Variants in BTG4 observed in about 807,000 individuals in gnomAD.
BTG4 encodes the protein protein BTG4.
A neutral mutation model predicts 19.3 loss-of-function variants in BTG4; 10 were observed. The observed-to-expected ratio is 0.52, with a 90% CI of 0.32 to 0.88. The LOEUF (loss-of-function observed/expected upper bound fraction) is 0.88. Among genes scored for constraint, BTG4 ranks in the 40% least tolerant of loss-of-function variants. BTG4 has a pLI of 0.04. For missense variants in BTG4, 238 were observed against 281.9 expected (o/e 0.84, Z 1.11); for synonymous variants, 91 against 95.7 (o/e 0.95, Z 0.29).
the BTG4 span, among the ~76,000 whole-genome samples, chr11:111,441,541 T>A: frequency 6.6e-6 from 1 of 152,220 alleles, no homozygotes; most frequent in African/African-American, 2.4e-5. Flanking sequence ...AGAGATGCCT[T>A]ACGGATTGAC....
the BTG4 span, among the ~76,000 whole-genome samples, chr11:111,426,260 G>T: frequency 6.6e-6 from 1 of 151,828 alleles, no homozygotes; most frequent in Non-Finnish European, 1.5e-5. Flanking sequence ...AGTGACAGAG[G>T]AAGGGAAGGG....
At chr11:111,512,484 A>T (rs1328818821), upstream of BTG4, 1 of 149,644 alleles carries the variant, frequency 6.7e-6, no homozygotes, top group Non-Finnish European at 1.5e-5. Context: ...CGCCACAGTC[A>T]CTCGGCCGCT....
At chr11:111,393,385 G>GGCA in the BTG4 span, among the ~76,000 whole-genome samples, 2 of 152,144 alleles carry the variant, frequency 1.3e-5, no homozygotes, top group Non-Finnish European at 2.9e-5. Context: ...CACACCCTCA[G>GGCA]GCAGCAGCAG....
At chr11:111,413,857 C>T in the BTG4 span, among the ~76,000 whole-genome samples, 6 of 152,232 alleles carry the variant, frequency 3.9e-5, no homozygotes, top group Admixed American at 2.6e-4. Flanking sequence ...CAGAGCCTTC[C>T]GGGAACATGG....
chr11:111,478,631 G>A (rs1864541364), intron 5 of BTG4, among the ~76,000 whole-genome samples: 1 of 152,084 alleles, frequency 6.6e-6, no homozygotes, highest in African/African-American at 2.4e-5. Context: ...AATGAGATAA[G>A]TCTCAGCAAC....
chr11:111,494,881 C>T lies in BTG4; in HGVS notation c.*254G>A, dbSNP rs1225789270. On this transcript the variant is annotated 3_prime_UTR_variant, in exon 5 of 5. Transcript: ENST00000692032. ...TAATTCATTGAGTCTTATTAGAGGT[C>T]AACATCTTCATTCTGTTACCTTACT... is the stretch of plus-strand genomic sequence containing the variant. The T allele has an allele frequency of 1.0e-6, 1 of 983,716 alleles. No individual in the cohort carries two copies. Among genetic ancestry groups the T allele is most frequent in the Non-Finnish European group, 1.2e-6 (1 of 828,540 alleles). The allele number at this position is 983,716 out of a possible 1,614,324, so 60.9% of individuals were successfully genotyped here. A position where few individuals can be genotyped will look rare whatever the true frequency, so the allele number is the denominator to read the frequency against.
chr11:111,405,729 G>A, the BTG4 span, among the ~76,000 whole-genome samples: 1 of 152,190 alleles, frequency 6.6e-6, no homozygotes, highest in African/African-American at 2.4e-5. Flanking sequence ...GTGGCAGTTA[G>A]CACAAACTCA....
the BTG4 span, chr11:111,456,675 G>A: frequency 2.5e-6 from 1 of 393,204 alleles, no homozygotes; most frequent in Non-Finnish European, 5.3e-6. The surrounding 1 kb of genome is among the most constrained non-coding windows in gnomAD (Gnocchi z 4.2). Flanking sequence ...TGCTGCCCGA[G>A]GCTGGACACC....
At chr11:111,409,671 T>C in the BTG4 span, among the ~76,000 whole-genome samples, 1 of 152,306 alleles carries the variant, frequency 6.6e-6, no homozygotes, top group South Asian at 2.1e-4. Context: ...TATTCCTTTA[T>C]AGCAACACAA....
At chr11:111,433,192 G>T in the BTG4 span, among the ~76,000 whole-genome samples, 2 of 152,176 alleles carry the variant, frequency 1.3e-5, no homozygotes, top group Non-Finnish European at 2.9e-5. Context: ...AACAAAGATG[G>T]AAGAGACCTT....
At chr11:111,475,688 A>G (rs1166789221) in intron 5 of BTG4, among the ~76,000 whole-genome samples, 2 of 152,180 alleles carry the variant, frequency 1.3e-5, no homozygotes, top group African/African-American at 2.4e-5. Flanking sequence ...CAGATTACAA[A>G]GCCAATGCTT....
the BTG4 span, among the ~76,000 whole-genome samples, chr11:111,459,976 T>C: frequency 6.6e-6 from 1 of 152,200 alleles, no homozygotes. Context: ...GGACCATAAA[T>C]CATGTATGTC....
intron 5 of BTG4, among the ~76,000 whole-genome samples, chr11:111,475,789 G>A (rs1283259766): frequency 6.6e-6 from 1 of 152,104 alleles, no homozygotes; most frequent in Non-Finnish European, 1.5e-5. Flanking sequence ...GCTTCAGACT[G>A]GGTAATTTAT....
chr11:111,471,457 A>G (rs891636160), intron 5 of BTG4, among the ~76,000 whole-genome samples: 6 of 152,138 alleles, frequency 3.9e-5, no homozygotes, highest in African/African-American at 1.4e-4. Context: ...AGCATTTGAC[A>G]TATCTGACCA....
At chr11:111,460,228 G>C in the BTG4 span, 2 of 152,650 alleles carry the variant, frequency 1.3e-5, no homozygotes, top group Admixed American at 6.5e-5. Flanking sequence ...TCCCAATCTC[G>C]ATTGGGGCTC....
chr11:111,405,281 A>C, the BTG4 span, among the ~76,000 whole-genome samples: 1 of 151,808 alleles, frequency 6.6e-6, no homozygotes, highest in Non-Finnish European at 1.5e-5. Context: ...GTGGGCACCT[A>C]TAATCCCAAC....
At chr11:111,403,731 G>C in the BTG4 span, among the ~76,000 whole-genome samples, 1 of 152,174 alleles carries the variant, frequency 6.6e-6, no homozygotes, top group Non-Finnish European at 1.5e-5. Context: ...CATTTGAATA[G>C]GTCCTAAGGA....
the BTG4 span, among the ~76,000 whole-genome samples, chr11:111,401,489 A>AAAAAAGAAAAGAAAAGAAAAG: frequency 2.6e-5 from 4 of 151,918 alleles, no homozygotes; most frequent in African/African-American, 7.3e-5. Flanking sequence ...CTCAAAAAAA[A>AAAAAAGAAAAGAAAAGAAAAG]AAAAGAAAAG....
chr11:111,514,505 T>G (rs1226591142), upstream of BTG4: 5 of 412,252 alleles, frequency 1.2e-5, no homozygotes, highest in East Asian at 1.5e-4. Context: ...CCACTGAGGA[T>G]ATAAGAAGCT....
Sources: gnomAD v4.1 joint callset for allele counts (sites outside exome capture counted in the v4.1 genomes callset) on GRCh38, gnomAD v4.1.1 for gene constraint, Gnocchi (gnomAD v3.1) non-coding constraint, MANE v1.5 for transcripts, NCBI Gene and HGNC (gene_info 2026-07-23, HGNC 2026-07-21) for gene names.